Variants in SCN7A observed in about 807,000 individuals in gnomAD.
The protein encoded by SCN7A is sodium voltage-gated channel alpha subunit 7, also known as sodium channel protein type 7 subunit alpha.
Under a neutral mutation model 155.2 loss-of-function variants are expected in SCN7A, and 138 were observed. That is an observed-to-expected ratio of 0.89 (90% CI 0.77 to 1.02). The LOEUF (loss-of-function observed/expected upper bound fraction) is 1.02. Among genes scored for constraint, SCN7A ranks in the 50% least tolerant of loss-of-function variants. SCN7A has a pLI of 0.00. For synonymous variants in SCN7A, 693 were observed against 649.0 expected, an observed-to-expected ratio of 1.07 and a Z score of -1.03; for missense variants, 2,058 against 1,986.6, an observed-to-expected ratio of 1.04 and a Z score of -0.68.
chr2:166,482,762 G>GC (rs1553521243), intron 2 of SCN7A, among the ~76,000 whole-genome samples: 3 of 123,178 alleles, frequency 2.4e-5, no homozygotes, highest in African/African-American at 6.7e-5. Context: ...CTGCGATACT[G>GC]CAAAAAAAAA....
intron 15 of SCN7A, 60 bp from the exon 16 acceptor site, chr2:166,432,812 A>C (rs762935377): frequency 8.5e-6 from 11 of 1,293,412 alleles, no homozygotes; most frequent in Non-Finnish European, 1.1e-5. Context: ...TTAAGTAATG[A>C]AAAGTTTGTT....
chr2:166,440,556 A>C (rs910318004), intron 15 of SCN7A: 1 of 152,168 alleles, frequency 6.6e-6, no homozygotes, highest in African/African-American at 2.4e-5. Flanking sequence ...CAGTGGCCAC[A>C]TAGAAAGCAC....
chr2:166,427,675 G>T, intron 18 of SCN7A, 113 bp downstream of exon 18: 1 of 864,918 alleles, frequency 1.2e-6, no homozygotes, highest in Non-Finnish European at 1.7e-6. Flanking sequence ...GTGCTATTTG[G>T]TGCTATACTA....
At chr2:166,454,571 T>A (rs1320055155) in intron 11 of SCN7A, among the ~76,000 whole-genome samples, 3 of 152,198 alleles carry the variant, frequency 2.0e-5, no homozygotes, top group Non-Finnish European at 4.4e-5. Flanking sequence ...TTGGTATTAA[T>A]GTACCTTACT....
rs372628375 is a variant in SCN7A, at chr2:166,432,418, C to G, written c.2492G>C (p.Ser831Thr). The change falls in exon 16 of 26, where the codon AGT becomes ACT. Residue 831 changes from serine to threonine, a missense_variant. Physicochemically the swap from Ser to Thr is moderately conservative, Grantham distance 58. Coordinates refer to ENST00000643258, the MANE Select transcript of SCN7A (RefSeq NM_002976.4). ...NESQSLIPSP[S>T]VSETVPIASG... ...AGCAATTGGTACAGTTTCTGAGACA[C>G]TAGGACTGGGGATAAGTGATTGGCT... 3.5e-5 allele frequency: 57 copies of G among 1,613,472 alleles called. No individual in the cohort carries two copies. The highest frequency in any genetic ancestry group is 4.6e-5 in the Non-Finnish European group (54 of 1,179,634).
At chr2:166,426,555 G>C (rs146317302) in intron 18 of SCN7A, among the ~76,000 whole-genome samples, 1 of 152,168 alleles carries the variant, frequency 6.6e-6, no homozygotes, top group African/African-American at 2.4e-5. Context: ...AAGGATAATT[G>C]ACTCTGATCA....
intron 6 of SCN7A, among the ~76,000 whole-genome samples, chr2:166,470,910 C>T (rs1265580168): frequency 6.6e-6 from 1 of 151,664 alleles, no homozygotes; most frequent in East Asian, 1.9e-4. Context: ...AAATATTAAT[C>T]TATATTATGA....
chr2:166,414,000 TATA>T lies in SCN7A; in HGVS notation c.3415-882_3415-880del, dbSNP rs1701264125. 5.0e-5 allele frequency among the ~76,000 whole-genome samples: 5 copies of T among 100,158 alleles called. No homozygotes were observed. The South Asian group carries it at 1.4e-3, about 27-fold the overall frequency. 65.7% of individuals were successfully genotyped at this position (100,158 alleles called of 152,430 possible). Reference sequence around the variant, plus strand: ...GTATGTGTATATATATATATATATATATAAATATACTATATATATGTAAATATA... The same window carrying T: ...GTATGTGTATATATATATATATATATAATATACTATATATATGTAAATATA... On this transcript the variant is annotated intron_variant, in intron 21 of 25. Coordinates refer to ENST00000643258, the MANE Select transcript of SCN7A (RefSeq NM_002976.4).
At chr2:166,468,152 T>C (rs1702577503) in intron 7 of SCN7A, among the ~76,000 whole-genome samples, 1 of 152,078 alleles carries the variant, frequency 6.6e-6, no homozygotes, top group South Asian at 2.1e-4. Context: ...ACTTCTCAGT[T>C]TTTGTTAATA....
intron 25 of SCN7A, among the ~76,000 whole-genome samples, chr2:166,408,449 T>A (rs1437481097): frequency 6.6e-6 from 1 of 152,016 alleles, no homozygotes; most frequent in African/African-American, 2.4e-5. Flanking sequence ...GGACCCAAGA[T>A]ACCTTGCCTT....
intron 2 of SCN7A, among the ~76,000 whole-genome samples, chr2:166,485,541 G>A (rs1034898781): frequency 2.0e-5 from 3 of 152,094 alleles, no homozygotes; most frequent in African/African-American, 7.2e-5. Flanking sequence ...ACGAATCACT[G>A]GGAATAAGAT....
intron 9 of SCN7A, among the ~76,000 whole-genome samples, chr2:166,464,064 T>C (rs936654741): frequency 6.7e-6 from 1 of 150,220 alleles, no homozygotes; most frequent in African/African-American, 2.4e-5. Context: ...TCAAACAAAC[T>C]ATACATACAC....
chr2:166,446,452 GAC>G (rs901291082), intron 12 of SCN7A, among the ~76,000 whole-genome samples: 18 of 152,286 alleles, frequency 1.2e-4, no homozygotes, highest in African/African-American at 4.3e-4. Context: ...CATTGTGGAA[GAC>G]AGTGTGGCGA....
At position 166,475,672 on chromosome 2, in the gene SCN7A, T is replaced by C. The variant is rs549281314; in HGVS notation, c.235-1328A>G. On this transcript the variant is annotated intron_variant, in intron 3 of 25. Transcript: ENST00000643258. ...GAACAATCTCAAACTTCACACAAGA[T>C]GTAATATATGCCATTGTGATGAAAT... 4.6e-5 allele frequency among the ~76,000 whole-genome samples: 7 copies of C among 152,060 alleles called. No individual in the cohort carries two copies. In the South Asian group the frequency reaches 1.0e-3, roughly 22 times the overall value.
At chr2:166,439,055 G>GTGTGTGTGTATA (rs375208870) in intron 15 of SCN7A, among the ~76,000 whole-genome samples, 7 of 113,412 alleles carry the variant, frequency 6.2e-5, no homozygotes, top group Non-Finnish European at 1.2e-4. Context: ...GTGTGTGTGT[G>GTGTGTGTGTATA]TATATATATA....
chr2:166,475,414 C>T (rs1702776381), intron 3 of SCN7A, among the ~76,000 whole-genome samples: 1 of 150,718 alleles, frequency 6.6e-6, no homozygotes, highest in Non-Finnish European at 1.5e-5. Flanking sequence ...GAAAAATAGA[C>T]TACTTAGTAC....
At chr2:166,407,901 G>A (rs1701110137) in intron 25 of SCN7A, among the ~76,000 whole-genome samples, 1 of 151,872 alleles carries the variant, frequency 6.6e-6, no homozygotes, top group Admixed American at 6.6e-5. Context: ...GCCCTGGTGT[G>A]TGTTGTTCCC....
chr2:166,487,356 T>C (rs1412030271), intron 1 of SCN7A, among the ~76,000 whole-genome samples: 1 of 152,118 alleles, frequency 6.6e-6, no homozygotes, highest in African/African-American at 2.4e-5. Flanking sequence ...TCTTAGATAA[T>C]GAAGGATGGG....
chr2:166,432,224 G>A (rs1013635228), intron 16 of SCN7A, 94 bp downstream of exon 16: 2 of 909,196 alleles, frequency 2.2e-6, no homozygotes, highest in Admixed American at 5.5e-5. Context: ...GAATTGAGTG[G>A]ATAATCTGGC....
Sources: allele counts gnomAD v4.1 joint callset (sites outside exome capture counted in the v4.1 genomes callset), GRCh38; gene constraint gnomAD v4.1.1; transcripts MANE v1.5; gene names NCBI Gene and HGNC (gene_info 2026-07-23, HGNC 2026-07-21).